The following SLC14A2 variants were observed in gnomAD, a reference collection of about 807,000 sequenced individuals.
SLC14A2 encodes the protein urea transporter 2.
Under a neutral mutation model 104.6 loss-of-function variants are expected in SLC14A2, and 91 were observed. The ratio of observed to expected loss-of-function variants is 0.87; its 90% CI spans 0.73 to 1.04. SLC14A2 has a LOEUF of 1.04. Ranked by LOEUF, SLC14A2 falls within the 50% of genes least tolerant of loss-of-function variation. The pLI, the probability that SLC14A2 is intolerant of heterozygous loss-of-function variation, is 0.00. For synonymous variants in SLC14A2, 476 were observed against 466.4 expected (o/e 1.02, Z -0.27); for missense variants, 1,189 against 1,156.0 (o/e 1.03, Z -0.41).
At chr18:45,322,154 A>C (rs2085191550) in intron 1 of SLC14A2, among the ~76,000 whole-genome samples, 1 of 152,248 alleles carries the variant, frequency 6.6e-6, no homozygotes. Context: ...ATAAATGGCA[A>C]ATACTTTCAT....
chr18:45,660,190 C>T (rs1053320827), intron 10 of SLC14A2, among the ~76,000 whole-genome samples: 2 of 152,092 alleles, frequency 1.3e-5, no homozygotes, highest in Non-Finnish European at 2.9e-5. Context: ...CAACAAACTA[C>T]AGTATACCAC....
intron 19 of SLC14A2, among the ~76,000 whole-genome samples, chr18:45,680,554 G>A (rs1009490273): frequency 6.6e-6 from 1 of 152,188 alleles, no homozygotes; most frequent in Non-Finnish European, 1.5e-5. Context: ...CTCCTCAGAA[G>A]AGCACATAGG....
At chr18:45,351,445 T>G (rs2144307311) in intron 1 of SLC14A2, among the ~76,000 whole-genome samples, 1 of 152,216 alleles carries the variant, frequency 6.6e-6, no homozygotes, top group African/African-American at 2.4e-5. Context: ...GCCTTGACCT[T>G]CTAGGCTCAA....
chr18:45,445,803 A>T (rs2086759392), intron 1 of SLC14A2, among the ~76,000 whole-genome samples: 1 of 152,190 alleles, frequency 6.6e-6, no homozygotes, highest in Non-Finnish European at 1.5e-5. Flanking sequence ...CCCAAATATT[A>T]TCCCACTAAC....
At chr18:45,315,269 G>A (rs1282782130) in intron 1 of SLC14A2, among the ~76,000 whole-genome samples, 1 of 152,074 alleles carries the variant, frequency 6.6e-6, no homozygotes, top group African/African-American at 2.4e-5. Flanking sequence ...GAAAAGGCAG[G>A]GTGCATCAGA....
At chr18:45,202,648 G>A in the SLC14A2 span, among the ~76,000 whole-genome samples, 1 of 152,160 alleles carries the variant, frequency 6.6e-6, no homozygotes, top group Admixed American at 6.6e-5. Flanking sequence ...CTATAGTGGT[G>A]TAACTGGACT....
At position 45,663,897 on chromosome 18, in the gene SLC14A2, G is replaced by A. The variant is rs369568973; in HGVS notation, c.1464G>A (p.Arg488=). The A allele has an allele frequency of 4.9e-4, 785 of 1,612,494 alleles. No homozygotes were observed. The highest frequency in any genetic ancestry group is 6.2e-4 in the Non-Finnish European group (733 of 1,179,522). The change falls in exon 11 of 20, where the codon AGG becomes AGA. Residue 488 remains arginine (R), a synonymous_variant. Coordinates refer to ENST00000255226, the MANE Select transcript of SLC14A2 (RefSeq NM_007163.4). ...VFHIEWSSIR[R]RSKVFGKGEH... Reference sequence around the variant, plus strand: ...ACATCGAGTGGTCATCCATTCGGAGGAGGAGCAAAGGTGTGCATGTCCTCC... The same window carrying A: ...ACATCGAGTGGTCATCCATTCGGAGAAGGAGCAAAGGTGTGCATGTCCTCC...
chr18:45,669,834 A>C (rs1568003308), intron 16 of SLC14A2, among the ~76,000 whole-genome samples: 2 of 152,204 alleles, frequency 1.3e-5, no homozygotes, highest in East Asian at 3.8e-4. Context: ...GATGTTTAAA[A>C]AGTCTTTTTG....
At chr18:45,241,207 G>A (rs901996576) in intron 1 of SLC14A2, among the ~76,000 whole-genome samples, 4 of 152,200 alleles carry the variant, frequency 2.6e-5, no homozygotes, top group African/African-American at 7.2e-5. Flanking sequence ...GGTGGTCCTC[G>A]GCCACTGAGT....
At chr18:45,503,756 A>C (rs1164215003) in intron 2 of SLC14A2, among the ~76,000 whole-genome samples, 2 of 143,798 alleles carry the variant, frequency 1.4e-5, no homozygotes, top group Admixed American at 7.0e-5. Context: ...TTAAAAATAA[A>C]TCTCTCCAAT....
intron 10 of SLC14A2, among the ~76,000 whole-genome samples, chr18:45,656,767 G>A (rs1005784522): frequency 3.9e-5 from 6 of 152,278 alleles, no homozygotes; most frequent in South Asian, 2.1e-4. Flanking sequence ...GCTAATTAAC[G>A]TCTTCCCCAT....
rs773236879 is a variant in SLC14A2, at chr18:45,668,353, G to A, written c.1912G>A (p.Ala638Thr). 5.6e-6 allele frequency: 9 copies of A among 1,614,002 alleles called. No homozygotes were observed. Among genetic ancestry groups the A allele is most frequent in the Non-Finnish European group, 7.6e-6 (9 of 1,179,978 alleles). ...TGACCCTCCCTCTCCTGCCAGGTCG[G>A]CCATCGCTGCAGGATTTCACGGCTA... ...TALILSQDKS[A>T]IAAGFHGYNG... The change falls in exon 15 of 20, where the codon GCC (alanine) becomes ACC (threonine). Residue 638 changes from alanine (A) to threonine (T), a missense_variant. Physicochemically the swap from Ala to Thr is moderately conservative, Grantham distance 58. Coordinates refer to ENST00000255226, the MANE Select transcript of SLC14A2 (RefSeq NM_007163.4).
intron 2 of SLC14A2, among the ~76,000 whole-genome samples, chr18:45,575,368 G>T (rs921523579): frequency 6.6e-6 from 1 of 152,270 alleles, no homozygotes; most frequent in Admixed American, 6.5e-5. Context: ...AAAGCTGCCA[G>T]CCTGGGCTCT....
intron 2 of SLC14A2, among the ~76,000 whole-genome samples, chr18:45,509,223 A>G (rs1345448727): frequency 6.6e-6 from 1 of 152,170 alleles, no homozygotes; most frequent in Non-Finnish European, 1.5e-5. Context: ...GTAGATAGGC[A>G]CACAAGAGGA....
intron 1 of SLC14A2, among the ~76,000 whole-genome samples, chr18:45,437,362 G>A (rs1336100979): frequency 6.9e-6 from 1 of 145,914 alleles, no homozygotes; most frequent in East Asian, 2.0e-4. Flanking sequence ...CATAGAGAGA[G>A]TCATGCACCC....
At chr18:45,426,176 C>T (rs2086423501) in intron 1 of SLC14A2, among the ~76,000 whole-genome samples, 1 of 152,126 alleles carries the variant, frequency 6.6e-6, no homozygotes. Flanking sequence ...TGAGTTCCAC[C>T]TCTGCCTCTG....
intron 1 of SLC14A2, among the ~76,000 whole-genome samples, chr18:45,362,800 A>G (rs1442489936): frequency 6.6e-6 from 1 of 152,226 alleles, no homozygotes; most frequent in Non-Finnish European, 1.5e-5. Flanking sequence ...CCTGATAAAC[A>G]TTTGATAGTT....
At chr18:45,672,120 G>A (rs1481643134) in intron 16 of SLC14A2, among the ~76,000 whole-genome samples, 1 of 152,162 alleles carries the variant, frequency 6.6e-6, no homozygotes, top group Admixed American at 6.5e-5. Context: ...GATACTAGTC[G>A]AGTTCCTCCT....
intron 2 of SLC14A2, among the ~76,000 whole-genome samples, chr18:45,590,477 C>T (rs1452083614): frequency 6.6e-6 from 1 of 152,146 alleles, no homozygotes; most frequent in African/African-American, 2.4e-5. Context: ...GGTGAGGAGT[C>T]TCTGGAGGTG....
Sources: gnomAD v4.1 joint callset for allele counts (sites outside exome capture counted in the v4.1 genomes callset) on GRCh38, gnomAD v4.1.1 for gene constraint, MANE v1.5 for transcripts, NCBI Gene and HGNC (gene_info 2026-07-23, HGNC 2026-07-21) for gene names.